The following NYAP2 variants were observed in gnomAD, a reference collection of about 807,000 sequenced individuals.
NYAP2 encodes the protein neuronal tyrosine-phosphorylated phosphoinositide-3-kinase adaptor 2, also known as neuronal tyrosine-phosphorylated phosphoinositide-3-kinase adapter 2.
Under a neutral mutation model 50.4 loss-of-function variants are expected in NYAP2, and 23 were observed. The observed-to-expected ratio is 0.46, with a 90% CI of 0.33 to 0.65. The LOEUF (loss-of-function observed/expected upper bound fraction) is 0.65, where lower values mean the gene tolerates loss of function less well. Ranked by LOEUF, NYAP2 falls within the 30% of genes least tolerant of loss-of-function variation. NYAP2 has a pLI of 0.02. For synonymous variants in NYAP2, 394 were observed against 365.2 expected (o/e 1.08, Z -0.90); for missense variants, 885 against 861.0 (o/e 1.03, Z -0.35).
chr2:225,616,327 A>C (rs1268903416), intron 5 of NYAP2, among the ~76,000 whole-genome samples: 1 of 152,172 alleles, frequency 6.6e-6, no homozygotes, highest in Non-Finnish European at 1.5e-5. Flanking sequence ...ATATAAAAAT[A>C]TGCCCCCGCT....
the NYAP2 span, among the ~76,000 whole-genome samples, chr2:225,689,970 G>T: frequency 6.6e-6 from 1 of 152,172 alleles, no homozygotes; most frequent in East Asian, 1.9e-4. Context: ...TCCGGCCAAT[G>T]GAATTGAAAA....
chr2:225,688,160 A>G, the NYAP2 span, among the ~76,000 whole-genome samples: 1 of 152,196 alleles, frequency 6.6e-6, no homozygotes, highest in African/African-American at 2.4e-5. Flanking sequence ...TTTGAAAAAG[A>G]GACGTTCTCA....
chr2:225,615,708 G>A (rs932599962), intron 5 of NYAP2, among the ~76,000 whole-genome samples: 6 of 152,248 alleles, frequency 3.9e-5, no homozygotes, highest in Non-Finnish European at 8.8e-5. Flanking sequence ...ATGTCACAGT[G>A]TGTGTCAAAA....
At chr2:225,663,866 T>A in the NYAP2 span, among the ~76,000 whole-genome samples, 5 of 152,108 alleles carry the variant, frequency 3.3e-5, no homozygotes, top group Admixed American at 2.0e-4. Context: ...CTGTATCACT[T>A]TTAAATATTC....
At chr2:225,572,550 C>T (rs1692091927) in intron 4 of NYAP2, among the ~76,000 whole-genome samples, 1 of 152,186 alleles carries the variant, frequency 6.6e-6, no homozygotes, top group Admixed American at 6.5e-5. Flanking sequence ...AAACTACCCC[C>T]ATGATTCAAT....
At chr2:225,653,108 C>T (rs1574732917) in exon 7 of NYAP2, 1 of 152,206 alleles carries the variant, frequency 6.6e-6, no homozygotes, top group South Asian at 2.1e-4. Context: ...GCCAACTTAG[C>T]TAATTAAAGC....
intron 3 of NYAP2, among the ~76,000 whole-genome samples, chr2:225,427,919 A>T (rs1291288051): frequency 6.6e-6 from 1 of 152,164 alleles, no homozygotes; most frequent in Admixed American, 6.5e-5. Flanking sequence ...AACCTAAAAA[A>T]CAATGACTCT....
At chr2:225,587,422 A>ACC (rs1692406596) in intron 5 of NYAP2, among the ~76,000 whole-genome samples, 2 of 152,182 alleles carry the variant, frequency 1.3e-5, no homozygotes, top group Non-Finnish European at 2.9e-5. Context: ...AGGCACTAAG[A>ACC]TACAAAAGAC....
chr2:225,423,199 G>A (rs1192308733), intron 3 of NYAP2, among the ~76,000 whole-genome samples: 1 of 152,158 alleles, frequency 6.6e-6, no homozygotes, highest in Admixed American at 6.5e-5. Context: ...TTAAAGAAGA[G>A]GAATGAAAGA....
chr2:225,447,428 C>G (rs1689579947), intron 3 of NYAP2, among the ~76,000 whole-genome samples: 1 of 152,052 alleles, frequency 6.6e-6, no homozygotes, highest in African/African-American at 2.4e-5. Context: ...ATACTAATAT[C>G]AAATAAACTC....
chr2:225,557,182 A>G (rs1427443190), intron 4 of NYAP2, among the ~76,000 whole-genome samples: 2 of 152,196 alleles, frequency 1.3e-5, no homozygotes, highest in Admixed American at 6.5e-5. Flanking sequence ...TCTACTTAAT[A>G]GCCACCTATT....
chr2:225,471,787 G>A (rs2106159512), intron 3 of NYAP2, among the ~76,000 whole-genome samples: 1 of 152,264 alleles, frequency 6.6e-6, no homozygotes, highest in South Asian at 2.1e-4. Context: ...CACAGCAAAT[G>A]GCAAAACCAG....
chr2:225,398,659 T>C (rs1050088766), upstream of NYAP2, among the ~76,000 whole-genome samples: 3 of 151,220 alleles, frequency 2.0e-5, no homozygotes, highest in African/African-American at 4.9e-5. Context: ...AGGGAGAGCA[T>C]TGGGATAGGG....
intron 5 of NYAP2, among the ~76,000 whole-genome samples, chr2:225,612,806 C>CCCAATGTGTGTGATGACATCACAG: frequency 1.7e-5 from 1 of 59,594 alleles, no homozygotes; most frequent in East Asian, 4.2e-4. Context: ...GGACATCACA[C>CCCAATGTGTGTGATGACATCACAG]CCAATGTGTG....
chr2:225,461,419 C>T (rs1359654892), intron 3 of NYAP2, among the ~76,000 whole-genome samples: 2 of 152,190 alleles, frequency 1.3e-5, no homozygotes, highest in Non-Finnish European at 2.9e-5. Context: ...GAGAAACTGC[C>T]TAATATTGCC....
chr2:225,513,905 C>T (rs1041770605), intron 4 of NYAP2, among the ~76,000 whole-genome samples: 2 of 152,118 alleles, frequency 1.3e-5, no homozygotes, highest in Non-Finnish European at 2.9e-5. Flanking sequence ...GTTTTTTAAT[C>T]CTTTAAAGCT....
At chr2:225,405,096 AG>A (rs1559171290) in intron 2 of NYAP2, among the ~76,000 whole-genome samples, 1 of 152,036 alleles carries the variant, frequency 6.6e-6, no homozygotes, top group African/African-American at 2.4e-5. Flanking sequence ...GGAGCAGGGA[AG>A]GGGCTAAAAT....
the NYAP2 span, among the ~76,000 whole-genome samples, chr2:225,676,792 T>C: frequency 2.5e-4 from 38 of 152,280 alleles, no homozygotes; most frequent in African/African-American, 8.9e-4. Context: ...TCAAGTACTA[T>C]GCTGTTTTAA....
the NYAP2 span, among the ~76,000 whole-genome samples, chr2:225,675,863 C>G: frequency 2.0e-5 from 3 of 152,076 alleles, no homozygotes; most frequent in Admixed American, 2.0e-4. Context: ...GGTAACTCAT[C>G]ATGGTTTTGA....
Sources: gnomAD v4.1 joint callset for allele counts (sites outside exome capture counted in the v4.1 genomes callset) on GRCh38, gnomAD v4.1.1 for gene constraint, MANE v1.5 for transcripts, NCBI Gene and HGNC (gene_info 2026-07-23, HGNC 2026-07-21) for gene names.